Variants in ZNF33A observed in about 807,000 individuals in gnomAD.
ZNF33A encodes brain my041 protein.
In ZNF33A, 9 loss-of-function variants were observed where a neutral mutation model predicts 15.9. The observed-to-expected ratio is 0.57, with a 90% confidence interval of 0.34 to 0.99. The LOEUF is 0.99. Ranked by LOEUF, ZNF33A falls within the 50% of genes least tolerant of loss-of-function variation. The probability of loss-of-function intolerance (pLI) is 0.02; values close to 1 mark genes in which losing one functional copy is unlikely to be tolerated. For missense variants in ZNF33A, 843 were observed against 941.6 expected, an observed-to-expected ratio of 0.90 and a Z score of 1.37; for synonymous variants, 294 against 324.2, an observed-to-expected ratio of 0.91 and a Z score of 1.00.
At chr10:38,043,040 A>G (rs556635444) in intron 4 of ZNF33A, among the ~76,000 whole-genome samples, 1 of 152,294 alleles carries the variant, frequency 6.6e-6, no homozygotes, top group East Asian at 1.9e-4. Context: ...AGTGTTTGAA[A>G]TCACTTGTTT....
At chr10:38,034,059 T>C (rs1473954097) in intron 4 of ZNF33A, among the ~76,000 whole-genome samples, 1 of 152,174 alleles carries the variant, frequency 6.6e-6, no homozygotes, top group Non-Finnish European at 1.5e-5. Context: ...ATGTATCTCC[T>C]TTGTCAATTT....
chr10:38,055,629 G>C lies in ZNF33A; in HGVS notation c.1505G>C (p.Cys502Ser). The C allele has an allele frequency of 6.2e-7, 1 of 1,614,102 alleles. No individual in the cohort carries two copies. The highest frequency in any genetic ancestry group is 8.5e-7 in the Non-Finnish European group (1 of 1,180,012). The change falls in exon 5 of 5, where the codon TGT becomes TCT. Residue 502 changes from cysteine to serine, a missense_variant. Cys to Ser is a moderately radical substitution (Grantham distance 112). Transcript: ENST00000432900. ...GATAAATCTTATGAATGTAATGCATGTGGGAAAACTTTCTACCACAAGTCA... is the reference window on the plus strand; with the variant it reads ...GATAAATCTTATGAATGTAATGCATCTGGGAAAACTTTCTACCACAAGTCA... ...IGDKSYECNACGKTFYHKSLL... is the reference protein window; with the variant it reads ...IGDKSYECNASGKTFYHKSLL...
chr10:38,010,887 C>G, intron 1 of ZNF33A, 104 bp downstream of exon 1: 10 of 1,417,838 alleles, frequency 7.1e-6, no homozygotes, highest in Non-Finnish European at 9.7e-6. Context: ...GGCCCGGGGA[C>G]CTCATAGGGG....
At chr10:38,028,466 G>C (rs1236464988) in intron 4 of ZNF33A, among the ~76,000 whole-genome samples, 1 of 148,202 alleles carries the variant, frequency 6.7e-6, no homozygotes, top group Non-Finnish European at 1.5e-5. Flanking sequence ...TTTGTGTTTT[G>C]TTGATTTTTT....
At chr10:38,053,062 CTT>C (rs1273793400) in intron 4 of ZNF33A, among the ~76,000 whole-genome samples, 1 of 151,900 alleles carries the variant, frequency 6.6e-6, no homozygotes, top group Non-Finnish European at 1.5e-5. Context: ...TTTTCTTACT[CTT>C]TTAAAATTAT....
At chr10:38,010,867 G>T in intron 1 of ZNF33A, 84 bp downstream of exon 1, 4 of 1,535,626 alleles carry the variant, frequency 2.6e-6, no homozygotes, top group South Asian at 2.2e-5. Flanking sequence ...GTACCAAGTG[G>T]TGGGGAGGAG....
At position 38,056,298 on chromosome 10, in the gene ZNF33A, A is replaced by C; in HGVS notation, c.2174A>C (p.Glu725Ala). ...GGAGAGAAATCTTGTCAATGTAATG[A>C]ATGTGGAAAAATCTTTTACCGTAAA... ...HTGEKSCQCN[E>A]CGKIFYRKSE... is the part of the protein sequence containing the mutation. Residue 725 changes from glutamate to alanine, a missense_variant, in exon 5 of 5, where the codon GAA (glutamate) becomes GCA (alanine). Coordinates refer to ENST00000432900, the MANE Select transcript of ZNF33A (RefSeq NM_006954.2). 6.2e-7 allele frequency: 1 copy of C among 1,614,178 alleles called. No individual in the cohort carries two copies. Among genetic ancestry groups the C allele is most frequent in the Non-Finnish European group, 8.5e-7 (1 of 1,180,004 alleles).
intron 4 of ZNF33A, among the ~76,000 whole-genome samples, chr10:38,053,649 AT>A (rs2066316560): frequency 6.6e-6 from 1 of 152,096 alleles, no homozygotes; most frequent in African/African-American, 2.4e-5. Context: ...ATTTTCTGTG[AT>A]TACTCTGCCC....
chr10:38,060,444 A>G (rs936469758), downstream of ZNF33A, among the ~76,000 whole-genome samples: 17 of 152,084 alleles, frequency 1.1e-4, no homozygotes, highest in Admixed American at 9.8e-4. Context: ...TGGTCACTGT[A>G]CTCTGGATAA....
Position 38,056,350 on chromosome 10 carries a change from A to C in ZNF33A, c.2226A>C (p.Ser742=), listed in dbSNP as rs1331256808. ...CGGAACTTGCTCAACATCAGAGATC[A>C]CATACAGGGGAAAAGCCCTATGAAT... is the stretch of plus-strand genomic sequence containing the variant. ...RKSELAQHQR[S]HTGEKPYECN... is the part of the protein sequence containing the mutation. The change falls in exon 5 of 5, where the codon TCA becomes TCC. Residue 742 remains serine, a synonymous_variant. Transcript: ENST00000432900. 3.7e-6 allele frequency: 6 copies of C among 1,614,168 alleles called. No individual in the cohort carries two copies. Among genetic ancestry groups the C allele is most frequent in the Non-Finnish European group, 5.1e-6 (6 of 1,179,982 alleles).
At chr10:38,021,749 T>G (rs940799244) in intron 4 of ZNF33A, among the ~76,000 whole-genome samples, 1 of 152,210 alleles carries the variant, frequency 6.6e-6, no homozygotes, top group Non-Finnish European at 1.5e-5. Context: ...TAAATAAGCC[T>G]TGGCAGATTT....
intron 2 of ZNF33A, chr10:38,016,074 T>C: frequency 8.6e-7 from 1 of 1,163,732 alleles, no homozygotes; most frequent in African/African-American, 1.6e-5. Context: ...CCAAAATCTT[T>C]CCATTTTCTA....
rs775819261 is a variant in ZNF33A at position 38,056,236 on chromosome 10, C to T, written c.2112C>T (p.His704=). Residue 704 remains histidine (H), a synonymous_variant, in exon 5 of 5, where the codon CAC becomes CAT. Transcript: ENST00000432900. ...ECNECGKFFR[H]KSSLTVHHRA... The stretch of plus-strand genomic sequence containing the variant: ...ATGAATGTGGGAAATTCTTCAGGCA[C>T]AAATCATCACTCACAGTACATCACA... 2 of 1,614,076 alleles carry T rather than the reference C, an allele frequency of 1.2e-6. No individual in the cohort carries two copies. Among genetic ancestry groups the T allele is most frequent in the South Asian group, 2.2e-5 (2 of 91,082 alleles).
intron 4 of ZNF33A, among the ~76,000 whole-genome samples, chr10:38,040,155 G>T (rs564413265): frequency 8.4e-4 from 126 of 150,762 alleles, no homozygotes; most frequent in South Asian, 4.8e-3. Flanking sequence ...GTGCATGTTT[G>T]TGCATTCTAA....
At chr10:38,022,910 T>G in intron 4 of ZNF33A, among the ~76,000 whole-genome samples, 1 of 152,166 alleles carries the variant, frequency 6.6e-6, no homozygotes, top group East Asian at 1.9e-4. Flanking sequence ...AATGATGATT[T>G]TACACAATGT....
At position 38,056,548 on chromosome 10, in the gene ZNF33A, G is replaced by C; in HGVS notation, c.2424G>C (p.Leu808=). 1 of 1,569,142 alleles carries C rather than the reference G, an allele frequency of 6.4e-7. No homozygotes were observed. Among genetic ancestry groups the C allele is most frequent in the Non-Finnish European group, 8.6e-7 (1 of 1,160,064 alleles). The change falls in exon 5 of 5, where the codon CTG becomes CTC. Residue 808 remains leucine, a synonymous_variant. Transcript: ENST00000432900. ...GTGGAGAAAGCCCTGATGACATCCT[G>C]AATGTTCAGTAACTATCCACAAACT... The part of the protein sequence containing the change: ...SHCGESPDDI[L]NVQ
upstream of ZNF33A, among the ~76,000 whole-genome samples, chr10:38,010,489 A>G (rs2064116721): frequency 1.3e-5 from 2 of 152,266 alleles, no homozygotes; most frequent in African/African-American, 4.8e-5. Context: ...GGGGAAAGCC[A>G]GGGCTGCAGG....
intron 4 of ZNF33A, among the ~76,000 whole-genome samples, chr10:38,041,098 C>A (rs2065678349): frequency 6.6e-6 from 1 of 152,010 alleles, no homozygotes; most frequent in East Asian, 1.9e-4. Flanking sequence ...CTTTTGCTTT[C>A]TTTTACATGA....
At chr10:38,047,745 A>T (rs569482713) in intron 4 of ZNF33A, among the ~76,000 whole-genome samples, 78 of 151,908 alleles carry the variant, frequency 5.1e-4, no homozygotes, top group Non-Finnish European at 9.1e-4. Context: ...GAAAGTGGGA[A>T]AAGAACAGAA....
Sources: gnomAD v4.1 joint callset for allele counts (sites outside exome capture counted in the v4.1 genomes callset) on GRCh38, gnomAD v4.1.1 for gene constraint, MANE v1.5 for transcripts, NCBI Gene and HGNC (gene_info 2026-07-23, HGNC 2026-07-21) for gene names.